The following SMIM43 variants were observed in gnomAD, a reference collection of about 807,000 sequenced individuals.
The protein encoded by SMIM43 is Nodal Enhanced MEsendoderm Peptide.
Position 121,760,436 on chromosome 4 carries a change from CCTT to C in SMIM43, c.*535_*537del, listed in dbSNP as rs1725996751. ...GCCCCGTTTTCTCTGTGGGCTTCCT[CCTT>C]CTTCTTGTGGGGTGCTGCGGGGACC... On this transcript the variant is annotated 3_prime_UTR_variant, in exon 6 of 6. Coordinates refer to ENST00000643802, the MANE Select transcript of SMIM43 (RefSeq NM_001384332.1). 5 of 1,556,030 alleles carry C rather than the reference CCTT, an allele frequency of 3.2e-6. No individual in the cohort carries two copies. Among genetic ancestry groups the C allele is most frequent in the Non-Finnish European group, 4.4e-6 (5 of 1,149,048 alleles).
In SMIM43 at chr4:121,760,127, A is replaced by T; in HGVS notation, c.*847T>A. On this transcript the variant is annotated 3_prime_UTR_variant, in exon 6 of 6. Transcript: ENST00000643802. The stretch of plus-strand genomic sequence containing the variant: ...GAGCTTTGACAGTTGTGAAGGAACT[A>T]GAGTTTTGATCTTTTTGAACTTTAT... 1 of 1,056,576 alleles carries T rather than the reference A, an allele frequency of 9.5e-7. No homozygotes were observed. Among genetic ancestry groups the T allele is most frequent in the Non-Finnish European group, 1.3e-6 (1 of 750,568 alleles). The allele number at this position is 1,056,576 out of a possible 1,614,324, so 65.5% of individuals were successfully genotyped here.
Position 121,761,135 on chromosome 4 carries a change from A to C in SMIM43, c.*499+403T>G, listed in dbSNP as rs994150712. On this transcript the variant is annotated intron_variant, in intron 5 of 5. Coordinates refer to ENST00000643802, the MANE Select transcript of SMIM43 (RefSeq NM_001384332.1). ...TCACTGATTCAAACAAAAAAAAAAA[A>C]CTACATCAAAGATTTACAACTCAAT... 3.3e-5 allele frequency among the ~76,000 whole-genome samples: 5 copies of C among 149,582 alleles called. No individual in the cohort carries two copies. In the South Asian group the frequency reaches 1.1e-3, roughly 32 times the overall value.
intron 2 of SMIM43, 49 bp from the exon 3 acceptor site, chr4:121,762,847 A>C (rs1186960671): frequency 6.6e-6 from 1 of 152,244 alleles, no homozygotes. Context: ...CATGTGGTTA[A>C]AATAATTTCC....
Position 121,760,415 on chromosome 4 carries a change from C to T in SMIM43, c.*559G>A, listed in dbSNP as rs753265952. 6 of 1,569,180 alleles carry T rather than the reference C, an allele frequency of 3.8e-6. No individual in the cohort carries two copies. Among genetic ancestry groups the T allele is most frequent in the Admixed American group, 1.9e-5 (1 of 52,904 alleles). ...GAAGTGGATTTGAACTGGCATGCCC[C>T]GTTTTCTCTGTGGGCTTCCTCCTTC... On this transcript the variant is annotated 3_prime_UTR_variant, in exon 6 of 6. Coordinates refer to ENST00000643802, the MANE Select transcript of SMIM43 (RefSeq NM_001384332.1).
chr4:121,765,253 G>C (rs773478254), upstream of SMIM43: 7 of 378,010 alleles, frequency 1.9e-5, no homozygotes, highest in Non-Finnish European at 3.3e-5. Flanking sequence ...TCCGTGCTTT[G>C]CCTCCCCCGG....
rs1725958262 is a variant in SMIM43 at position 121,759,868 on chromosome 4, G to A, written c.*1106C>T. The A allele has an allele frequency of 1.3e-5, 2 of 152,660 alleles. No individual in the cohort carries two copies. Among genetic ancestry groups the A allele is most frequent in the Non-Finnish European group, 2.9e-5 (2 of 68,344 alleles). 9.5% of individuals were successfully genotyped at this position (152,660 alleles called of 1,614,324 possible). A position where few individuals can be genotyped will look rare whatever the true frequency, so the allele number is the denominator to read the frequency against. ...TAACTGACAGGAAAATTAGAGAGGA[G>A]AGAAATGATACAGATGAGGGAGCAG... On this transcript the variant is annotated 3_prime_UTR_variant, in exon 6 of 6. Transcript: ENST00000643802.
At chr4:121,761,126 A>AC (rs1483243537) in intron 5 of SMIM43, among the ~76,000 whole-genome samples, 1 of 68,730 alleles carries the variant, frequency 1.5e-5, no homozygotes, top group African/African-American at 2.9e-5. Flanking sequence ...ATTCAAACAA[A>AC]AAAAAAAAAC....
upstream of SMIM43, chr4:121,765,328 C>G (rs926814977): frequency 1.2e-5 from 4 of 342,114 alleles, no homozygotes; most frequent in Middle Eastern, 7.5e-4. Context: ...GGCACCAAAG[C>G]CTTCCGCTTC....
Position 121,760,346 on chromosome 4 carries a change from A to G in SMIM43, c.*628T>C. On this transcript the variant is annotated 3_prime_UTR_variant, in exon 6 of 6. Coordinates refer to ENST00000643802, the MANE Select transcript of SMIM43 (RefSeq NM_001384332.1). The stretch of plus-strand genomic sequence containing the variant: ...CAATGACACAGTTCTGGCCAATGAG[A>G]TGAAGGCAAAAGTTATTGGGCTGCT... 6.2e-7 allele frequency: 1 copy of G among 1,613,976 alleles called. No individual in the cohort carries two copies. The highest frequency in any genetic ancestry group is 8.5e-7 in the Non-Finnish European group (1 of 1,179,948).
intron 5 of SMIM43, 103 bp from the exon 6 acceptor site, chr4:121,760,577 G>T: frequency 7.1e-7 from 1 of 1,402,018 alleles, no homozygotes. Flanking sequence ...TAACCTCCTT[G>T]TTCTGTGAGA....
chr4:121,761,392 C>A (rs181952253), intron 5 of SMIM43, 146 bp downstream of exon 5: 2 of 695,586 alleles, frequency 2.9e-6, no homozygotes, highest in African/African-American at 3.6e-5. Flanking sequence ...ACATTTCCCA[C>A]TATTCTAAAT....
At chr4:121,760,694 T>G (rs1256905149) in intron 5 of SMIM43, among the ~76,000 whole-genome samples, 1 of 152,208 alleles carries the variant, frequency 6.6e-6, no homozygotes, top group Non-Finnish European at 1.5e-5. Context: ...AGTGTGATTT[T>G]TCATCTGAAA....
chr4:121,760,472 A>C lies in SMIM43; in HGVS notation c.*502T>G. 4 of 1,536,650 alleles carry C rather than the reference A, an allele frequency of 2.6e-6. No homozygotes were observed. The highest frequency in any genetic ancestry group is 3.5e-6 in the Non-Finnish European group (4 of 1,142,016). ...TGGGGTGCTGCGGGGACCATCTTGG[A>C]ACCTGGAGGAAAAAGCCAAGGGAAC... On this transcript the variant is annotated splice_region_variant and 3_prime_UTR_variant, in exon 6 of 6. Coordinates refer to ENST00000643802, the MANE Select transcript of SMIM43 (RefSeq NM_001384332.1).
rs560351123 is a variant in SMIM43, at chr4:121,763,048, T to A, written c.*207-250A>T. The stretch of plus-strand genomic sequence containing the variant: ...AAGCACAATACAGAATCACTGCAGT[T>A]GATTCAGGGAGTTCAAACTGGGAAT... On this transcript the variant is annotated intron_variant, in intron 2 of 5. Coordinates refer to ENST00000643802, the MANE Select transcript of SMIM43 (RefSeq NM_001384332.1). Among the ~76,000 whole-genome samples, 17 of 152,342 alleles carry A rather than the reference T, an allele frequency of 1.1e-4. No homozygotes were observed. In the South Asian group the frequency reaches 2.9e-3, roughly 26 times the overall value.
At chr4:121,761,437 A>T in intron 5 of SMIM43, 101 bp downstream of exon 5, 1 of 1,230,688 alleles carries the variant, frequency 8.1e-7, no homozygotes, top group South Asian at 1.7e-5. Context: ...AATTTTGGTC[A>T]TTTAAAATTT....
Position 121,763,881 on chromosome 4 carries a change from A to C in SMIM43, c.*98-9T>G, listed in dbSNP as rs1010550068. On this transcript the variant is annotated splice_polypyrimidine_tract_variant and intron_variant, in intron 1 of 5. Transcript: ENST00000643802. ...AGGGCAGCAGCTCGGCTCTAGAAAG[A>C]GAGATGACATAAATCTAGGGAAAAG... The C allele has an allele frequency of 6.6e-6, 1 of 152,180 alleles. No homozygotes were observed. Among genetic ancestry groups the C allele is most frequent in the Non-Finnish European group, 1.5e-5 (1 of 68,036 alleles). 9.4% of individuals were successfully genotyped at this position (152,180 alleles called of 1,614,324 possible).
At chr4:121,762,085 A>G (rs62322616) in intron 3 of SMIM43, among the ~76,000 whole-genome samples, 193 bp from the exon 4 acceptor site, 9 of 152,226 alleles carry the variant, frequency 5.9e-5, no homozygotes, top group African/African-American at 9.6e-5. Flanking sequence ...CATTTATATA[A>G]TAAGCAGTTA....
At position 121,760,371 on chromosome 4, in the gene SMIM43, T is replaced by G; in HGVS notation, c.*603A>C. 6.2e-7 allele frequency: 1 copy of G among 1,611,090 alleles called. No homozygotes were observed. Among genetic ancestry groups the G allele is most frequent in the South Asian group, 1.1e-5 (1 of 90,738 alleles). On this transcript the variant is annotated 3_prime_UTR_variant, in exon 6 of 6. Coordinates refer to ENST00000643802, the MANE Select transcript of SMIM43 (RefSeq NM_001384332.1). The stretch of plus-strand genomic sequence containing the variant: ...ATGAAGGCAAAAGTTATTGGGCTGC[T>G]GAGGAAGCTCTTTAAAAGGAAGTGG...
rs1260323833 is a variant in SMIM43, at chr4:121,761,522, C to A, written c.*499+16G>T. ...ATGTCAAACTAAAAATAGAGTATTT[C>A]ATATTTTTTACTCACCTAGTTCCAA... On this transcript the variant is annotated intron_variant, in intron 5 of 5. Coordinates refer to ENST00000643802, the MANE Select transcript of SMIM43 (RefSeq NM_001384332.1). 1 of 1,566,708 alleles carries A rather than the reference C, an allele frequency of 6.4e-7. No homozygotes were observed. The highest frequency in any genetic ancestry group is 1.2e-5 in the South Asian group (1 of 82,726).
Sources: gnomAD v4.1 joint callset for allele counts (sites outside exome capture counted in the v4.1 genomes callset) on GRCh38, gnomAD v4.1.1 for gene constraint, MANE v1.5 for transcripts, NCBI Gene and HGNC (gene_info 2026-07-23, HGNC 2026-07-21) for gene names.